ARHGEF18: variants seen among roughly 807,000 people sequenced by gnomAD.
The protein encoded by ARHGEF18 is Rho/Rac guanine nucleotide exchange factor 18.
Under a neutral mutation model 155.7 loss-of-function variants are expected in ARHGEF18, and 93 were observed. The ratio of observed to expected loss-of-function variants is 0.60; its 90% confidence interval spans 0.50 to 0.71. The LOEUF is 0.71. Ranked by LOEUF, ARHGEF18 falls within the 30% of genes least tolerant of loss-of-function variation. The probability of loss-of-function intolerance (pLI) is 0.00; values close to 1 mark genes in which losing one functional copy is unlikely to be tolerated. For synonymous variants in ARHGEF18, 742 were observed against 753.1 expected, an observed-to-expected ratio of 0.99 and a Z score of 0.24; for missense variants, 1,593 against 1,816.1, an observed-to-expected ratio of 0.88 and a Z score of 2.23.
chr19:7,350,298 CA>C (rs1969123478), intron 1 of ARHGEF18, among the ~76,000 whole-genome samples: 1 of 152,078 alleles, frequency 6.6e-6, no homozygotes, highest in Non-Finnish European at 1.5e-5. Context: ...CAGCTGGGGC[CA>C]GAGAGGATGG....
intron 1 of ARHGEF18, among the ~76,000 whole-genome samples, chr19:7,362,219 G>C (rs576120853): frequency 6.9e-6 from 1 of 144,118 alleles, no homozygotes; most frequent in Admixed American, 6.8e-5. Flanking sequence ...AAAAGAAGAG[G>C]AAGAAGAGGA....
In ARHGEF18 at chr19:7,469,976, GC is replaced by G; in HGVS notation, c.3862del (p.Arg1288AlafsTer3). ...AAAGATGAGAGCACCTCACGGAACC[GC>G]CGCTCGCTGAGCCCTATCCTGCCCG... ...MGKDESTSRN[R>X]RSLSPILPGR... On this transcript the variant is annotated frameshift_variant, in exon 28 of 29. Transcript: ENST00000668164. LOFTEE classifies it high-confidence loss of function. 6.2e-7 allele frequency: 1 copy of G among 1,613,162 alleles called. No homozygotes were observed. The highest frequency in any genetic ancestry group is 8.5e-7 in the Non-Finnish European group (1 of 1,179,900).
rs545858218 is a variant in ARHGEF18 at position 7,360,900 on chromosome 19, G to A, written c.-110-1881G>A. ...TGAACAGAGTCCCTCCAACCAGCCC[G>A]GGAGGGCAACCTGGAAAGCAGTGAT... On this transcript the variant is annotated intron_variant, in intron 1 of 28. Coordinates refer to ENST00000668164, the MANE Select transcript of ARHGEF18 (RefSeq NM_001367823.1). 2.1e-4 allele frequency among the ~76,000 whole-genome samples: 32 copies of A among 152,284 alleles called. No homozygotes were observed. The East Asian group carries it at 6.0e-3, about 29-fold the overall frequency.
chr19:7,435,696 T>C (rs948237899), intron 10 of ARHGEF18, among the ~76,000 whole-genome samples: 2 of 152,118 alleles, frequency 1.3e-5, no homozygotes, highest in Non-Finnish European at 2.9e-5. Flanking sequence ...TGTCAGAGCA[T>C]CACAAATCCG....
At position 7,470,328 on chromosome 19, in the gene ARHGEF18, T is replaced by C. The variant is rs2145925567; in HGVS notation, c.*30T>C. On this transcript the variant is annotated 3_prime_UTR_variant, in exon 29 of 29. Transcript: ENST00000668164. This position sits in a 1 kb window ranked among gnomAD's most constrained non-coding sequence, Gnocchi z 5.9. ...GCCGTGACTCAAGGTGCAAGGCCCC[T>C]CCCTGCCCTGCCCACCCTTCCTGCT... 6.9e-7 allele frequency: 1 copy of C among 1,448,138 alleles called. No individual in the cohort carries two copies. The highest frequency in any genetic ancestry group is 9.1e-7 in the Non-Finnish European group (1 of 1,095,480). The allele number at this position is 1,448,138 out of a possible 1,614,324, so 89.7% of individuals were successfully genotyped here. A position where few individuals can be genotyped will look rare whatever the true frequency, so the allele number is the denominator to read the frequency against.
At chr19:7,401,957 CA>C (rs1320337451) in intron 10 of ARHGEF18, among the ~76,000 whole-genome samples, 2 of 152,182 alleles carry the variant, frequency 1.3e-5, no homozygotes, top group Admixed American at 1.3e-4. Context: ...TGGAAGAAGC[CA>C]GTCCCCAAAG....
At chr19:7,385,656 AG>A (rs1412317124) in intron 10 of ARHGEF18, among the ~76,000 whole-genome samples, 1 of 151,408 alleles carries the variant, frequency 6.6e-6, no homozygotes, top group Non-Finnish European at 1.5e-5. Context: ...TTGTATTTTT[AG>A]TAGAAACAGG....
intron 20 of ARHGEF18, among the ~76,000 whole-genome samples, chr19:7,460,608 G>A (rs995794191): frequency 7.1e-6 from 1 of 141,532 alleles, no homozygotes; most frequent in African/African-American, 2.7e-5. Flanking sequence ...AGATTGGCCT[G>A]CCCTGGACAT....
In ARHGEF18 at chr19:7,440,082, C is replaced by T; in HGVS notation, c.968-262C>T. On this transcript the variant is annotated intron_variant, in intron 10 of 28. Transcript: ENST00000668164. This position sits in a 1 kb window ranked among gnomAD's most constrained non-coding sequence, Gnocchi z 5.4. ...AGCCCAGCCTGGCGCCGCGCCGGGT[C>T]CCGGAGCCCCGGGCGCGAACATGGG... The T allele has an allele frequency of 6.5e-7, 1 of 1,550,300 alleles. No individual in the cohort carries two copies. Among genetic ancestry groups the T allele is most frequent in the South Asian group, 1.2e-5 (1 of 83,984 alleles).
chr19:7,473,392 G>T, downstream of ARHGEF18: 1 of 428,446 alleles, frequency 2.3e-6, no homozygotes, highest in Middle Eastern at 3.4e-4. Flanking sequence ...GCCGGGCACA[G>T]TGGCTCATCC....
At position 7,395,340 on chromosome 19, in the gene ARHGEF18, G is replaced by C; in HGVS notation, c.967+12137G>C. 1 of 982,630 alleles carries C rather than the reference G, an allele frequency of 1.0e-6. No individual in the cohort carries two copies. The highest frequency in any genetic ancestry group is 1.2e-6 in the Non-Finnish European group (1 of 827,334). The allele number at this position is 982,630 out of a possible 1,614,324, so 60.9% of individuals were successfully genotyped here. On this transcript the variant is annotated intron_variant, in intron 10 of 28. Coordinates refer to ENST00000668164, the MANE Select transcript of ARHGEF18 (RefSeq NM_001367823.1). The surrounding 1 kb of genome is among the most constrained non-coding windows in gnomAD (Gnocchi z 5.0). Reference sequence around the variant, plus strand: ...GGGTGGCCTGGGGCGCGGGACCCCCGGGGCTGCCTCGGGCCTCCCGCCGGC... The same window carrying C: ...GGGTGGCCTGGGGCGCGGGACCCCCCGGGCTGCCTCGGGCCTCCCGCCGGC...
At chr19:7,446,534 A>G (rs1415424818) in intron 14 of ARHGEF18, among the ~76,000 whole-genome samples, 1 of 152,112 alleles carries the variant, frequency 6.6e-6, no homozygotes, top group Non-Finnish European at 1.5e-5. Context: ...AGAGGTCAAG[A>G]GTTCGAGACC....
Position 7,467,656 on chromosome 19 carries a change from G to A in ARHGEF18, c.3452G>A (p.Gly1151Asp). The A allele has an allele frequency of 6.6e-7, 1 of 1,513,502 alleles. No individual in the cohort carries two copies. The highest frequency in any genetic ancestry group is 2.6e-5 in the East Asian group (1 of 38,864). The allele number at this position is 1,513,502 out of a possible 1,614,324, so 93.8% of individuals were successfully genotyped here. A position where few individuals can be genotyped will look rare whatever the true frequency, so the allele number is the denominator to read the frequency against. Residue 1151 changes from glycine to aspartate, a missense_variant, in exon 26 of 29, where the codon GGC becomes GAC. Physicochemically the swap from Gly to Asp is moderately conservative, Grantham distance 94 (BLOSUM62 -1). Transcript: ENST00000668164. Reference sequence around the variant, plus strand: ...CTCAAGAAGCAGAACACCGCGCCAGGCGCGCTGCCGCCCGACACACTGGCC... The same window carrying A: ...CTCAAGAAGCAGAACACCGCGCCAGACGCGCTGCCGCCCGACACACTGGCC... ...RRLKKQNTAPGALPPDTLAEA... is the reference protein window; with the variant it reads ...RRLKKQNTAPDALPPDTLAEA...
intron 17 of ARHGEF18, among the ~76,000 whole-genome samples, chr19:7,454,026 C>T (rs946591470): frequency 6.6e-6 from 1 of 150,902 alleles, no homozygotes; most frequent in Non-Finnish European, 1.5e-5. Flanking sequence ...GTTGTGGGTG[C>T]CCTCTTAGAG....
intron 10 of ARHGEF18, among the ~76,000 whole-genome samples, chr19:7,437,072 G>GA (rs1471065072): frequency 6.6e-6 from 1 of 152,122 alleles, no homozygotes; most frequent in Non-Finnish European, 1.5e-5. Flanking sequence ...TCCTCTGCCA[G>GA]AAAATCTCTA....
At chr19:7,413,445 G>A (rs1247102654) in intron 10 of ARHGEF18, among the ~76,000 whole-genome samples, 1 of 151,952 alleles carries the variant, frequency 6.6e-6, no homozygotes, top group South Asian at 2.1e-4. Context: ...GGGACTACAG[G>A]CGCCCGCCAC....
At chr19:7,431,036 C>T (rs1973929421) in intron 10 of ARHGEF18, among the ~76,000 whole-genome samples, 1 of 152,042 alleles carries the variant, frequency 6.6e-6, no homozygotes, top group Non-Finnish European at 1.5e-5. Context: ...CACCTATGGT[C>T]CCAGCTATTC....
At chr19:7,478,734 T>G in the ARHGEF18 span, among the ~76,000 whole-genome samples, 1 of 152,228 alleles carries the variant, frequency 6.6e-6, no homozygotes, top group African/African-American at 2.4e-5. Flanking sequence ...AGGCCCGCAG[T>G]TGGACAGGCG....
chr19:7,376,491 G>A (rs904025392), intron 4 of ARHGEF18, among the ~76,000 whole-genome samples, 152 bp from the exon 5 acceptor site: 2 of 152,042 alleles, frequency 1.3e-5, no homozygotes, highest in African/African-American at 4.8e-5. Context: ...TCTTATGGCT[G>A]GGGGGAGTGG....
Sources: allele counts gnomAD v4.1 joint callset (sites outside exome capture counted in the v4.1 genomes callset), GRCh38; gene constraint gnomAD v4.1.1; non-coding constraint Gnocchi (gnomAD v3.1); transcripts MANE v1.5; gene names NCBI Gene and HGNC (gene_info 2026-07-23, HGNC 2026-07-21).